UNC13C: variants seen among roughly 807,000 people sequenced by gnomAD.
UNC13C encodes protein unc-13 homolog C.
In UNC13C, 174 loss-of-function variants were observed where a neutral mutation model predicts 245.4. The ratio of observed to expected loss-of-function variants is 0.71; its 90% CI spans 0.63 to 0.80. UNC13C has a LOEUF of 0.80. Ranked by LOEUF, UNC13C falls within the 30% of genes least tolerant of loss-of-function variation. UNC13C has a pLI of 0.00. For missense variants in UNC13C, 2,829 were observed against 2,602.9 expected, an observed-to-expected ratio of 1.09 and a Z score of -1.89; for synonymous variants, 992 against 895.1, an observed-to-expected ratio of 1.11 and a Z score of -1.93.
In UNC13C at chr15:54,084,998, A is replaced by G. The variant is rs115480787; in HGVS notation, c.2984-58020A>G. On this transcript the variant is annotated intron_variant, in intron 2 of 32. Coordinates refer to ENST00000260323, the MANE Select transcript of UNC13C (RefSeq NM_001080534.3). ...GGTACATCCTTATTTTAGATAATGTATAAAAATTTATTTTTATAGAATAAA... is the reference window on the plus strand; with the variant it reads ...GGTACATCCTTATTTTAGATAATGTGTAAAAATTTATTTTTATAGAATAAA... Among the ~76,000 whole-genome samples the G allele has an allele frequency of 5.1e-3, 781 of 152,320 alleles. 2 individuals are homozygous for G. The highest frequency in any genetic ancestry group is 0.018 in the African/African-American group (762 of 41,586).
At chr15:54,058,846 A>G (rs1322664970) in intron 2 of UNC13C, among the ~76,000 whole-genome samples, 1 of 152,224 alleles carries the variant, frequency 6.6e-6, no homozygotes, top group Non-Finnish European at 1.5e-5. Context: ...TATAAACAGA[A>G]CCAAAGACAA....
At chr15:54,334,603 G>A (rs1406207947) in intron 16 of UNC13C, among the ~76,000 whole-genome samples, 2 of 151,996 alleles carry the variant, frequency 1.3e-5, no homozygotes, top group South Asian at 2.1e-4. Flanking sequence ...TGTAATAAAA[G>A]AGAGACACAA....
intron 2 of UNC13C, among the ~76,000 whole-genome samples, chr15:54,113,895 A>T (rs2030016935): frequency 6.6e-6 from 1 of 152,208 alleles, no homozygotes; most frequent in Non-Finnish European, 1.5e-5. Context: ...ATAATTAAAA[A>T]TGTACCTGTG....
intron 19 of UNC13C, among the ~76,000 whole-genome samples, chr15:54,487,326 C>A (rs1019361711): frequency 1.3e-5 from 2 of 152,104 alleles, no homozygotes; most frequent in Non-Finnish European, 2.9e-5. Flanking sequence ...GGCACTATTT[C>A]TTTAATTTTC....
the UNC13C span, among the ~76,000 whole-genome samples, chr15:53,910,060 C>T: frequency 7.0e-6 from 1 of 143,186 alleles, no homozygotes; most frequent in African/African-American, 2.5e-5. Flanking sequence ...GAAACTGTGC[C>T]TGCGGGCCAC....
intron 19 of UNC13C, among the ~76,000 whole-genome samples, chr15:54,436,805 A>G (rs1186860833): frequency 6.6e-6 from 1 of 151,932 alleles, no homozygotes; most frequent in Non-Finnish European, 1.5e-5. Context: ...CGTTCTGCAC[A>G]TGTATCTCAG....
chr15:54,006,465 G>T (rs1444763599), intron 1 of UNC13C, among the ~76,000 whole-genome samples: 1 of 151,914 alleles, frequency 6.6e-6, no homozygotes, highest in African/African-American at 2.4e-5. Flanking sequence ...AATATTTACT[G>T]GTTTATTGCT....
chr15:54,231,562 A>C lies in UNC13C; in HGVS notation c.3072-3468A>C, dbSNP rs1359692383. 2.5e-4 allele frequency among the ~76,000 whole-genome samples: 38 copies of C among 152,192 alleles called. 1 individual carries two copies. Among genetic ancestry groups the C allele is most frequent in the Non-Finnish European group, 1.6e-4 (11 of 67,924 alleles). On this transcript the variant is annotated intron_variant, in intron 4 of 32. Coordinates refer to ENST00000260323, the MANE Select transcript of UNC13C (RefSeq NM_001080534.3). ...GTACCTATACCTCATAAGATTTAAA[A>C]AAATAAAATGAGTTAACATAAGTAA...
intron 17 of UNC13C, among the ~76,000 whole-genome samples, chr15:54,354,589 A>G (rs995940383): frequency 6.6e-6 from 1 of 152,140 alleles, no homozygotes; most frequent in Non-Finnish European, 1.5e-5. Context: ...GCCTATAAAA[A>G]TTACTGGAAA....
At chr15:54,458,679 TC>T (rs1179598145) in intron 19 of UNC13C, among the ~76,000 whole-genome samples, 16 of 111,458 alleles carry the variant, frequency 1.4e-4, no homozygotes, top group African/African-American at 4.6e-4. Context: ...TCCTTTAAGG[TC>T]TTTTTTTTTT....
intron 28 of UNC13C, 91 bp downstream of exon 28, chr15:54,549,782 A>G: frequency 1.3e-6 from 1 of 789,888 alleles, no homozygotes; most frequent in East Asian, 2.6e-5. Flanking sequence ...AGTATCTAGC[A>G]TGGCAGGATT....
At chr15:54,254,668 C>T (rs1379619807) in intron 8 of UNC13C, among the ~76,000 whole-genome samples, 2 of 152,176 alleles carry the variant, frequency 1.3e-5, no homozygotes, top group African/African-American at 2.4e-5. Context: ...GATTTAGTGT[C>T]TCATCAAAAG....
chr15:54,323,036 A>G (rs1480263333), intron 14 of UNC13C, among the ~76,000 whole-genome samples: 3 of 151,410 alleles, frequency 2.0e-5, no homozygotes, highest in Admixed American at 6.6e-5. Flanking sequence ...GAGGAAACTA[A>G]GATCAGTTGT....
At chr15:54,366,709 A>G (rs2039373114) in intron 17 of UNC13C, among the ~76,000 whole-genome samples, 1 of 152,196 alleles carries the variant, frequency 6.6e-6, no homozygotes. Flanking sequence ...CTGGAAATAA[A>G]AAAGAGCTCT....
intron 17 of UNC13C, among the ~76,000 whole-genome samples, chr15:54,360,261 A>G (rs1487866052): frequency 2.6e-5 from 4 of 152,044 alleles, no homozygotes; most frequent in African/African-American, 9.7e-5. Flanking sequence ...TGCTGTTGAG[A>G]AAAAATTTTA....
chr15:54,039,246 C>T (rs1210633655), intron 2 of UNC13C, among the ~76,000 whole-genome samples: 1 of 152,188 alleles, frequency 6.6e-6, no homozygotes, highest in African/African-American at 2.4e-5. Context: ...TCTCATCTGG[C>T]TCAAAACACA....
intron 25 of UNC13C, among the ~76,000 whole-genome samples, chr15:54,531,861 C>A (rs751614153): frequency 6.6e-5 from 10 of 152,044 alleles, no homozygotes; most frequent in Non-Finnish European, 1.3e-4. Flanking sequence ...CCTAGGAAAC[C>A]ACTAATCTCC....
At chr15:54,140,423 A>G (rs955589357) in intron 2 of UNC13C, among the ~76,000 whole-genome samples, 27 of 152,246 alleles carry the variant, frequency 1.8e-4, no homozygotes, top group African/African-American at 6.5e-4. Context: ...AGAGATTAAA[A>G]AACAGACTAC....
intron 19 of UNC13C, among the ~76,000 whole-genome samples, chr15:54,442,388 AATTTTTGT>A (rs1387599946): frequency 6.6e-6 from 1 of 151,680 alleles, no homozygotes; most frequent in Non-Finnish European, 1.5e-5. Flanking sequence ...ATGCTCAGCT[AATTTTTGT>A]ATTTTTGTAG....
Sources: gnomAD v4.1 joint callset for allele counts (sites outside exome capture counted in the v4.1 genomes callset) on GRCh38, gnomAD v4.1.1 for gene constraint, MANE v1.5 for transcripts, NCBI Gene and HGNC (gene_info 2026-07-23, HGNC 2026-07-21) for gene names.